The following WDR45B variants were observed in gnomAD, a reference collection of about 807,000 sequenced individuals.
WDR45B encodes the protein WD repeat domain 45B.
In WDR45B, 20 loss-of-function variants were observed where a neutral mutation model predicts 44.6. That is an observed-to-expected ratio of 0.45 (90% confidence interval 0.32 to 0.65). The LOEUF (loss-of-function observed/expected upper bound fraction) is 0.65, where lower values mean the gene tolerates loss of function less well. Among genes scored for constraint, WDR45B ranks in the 30% least tolerant of loss-of-function variants. WDR45B has a pLI of 0.05. For synonymous variants in WDR45B, 169 were observed against 164.9 expected (o/e 1.02, Z -0.19); for missense variants, 323 against 430.2 (o/e 0.75, Z 2.20).
intron 5 of WDR45B, among the ~76,000 whole-genome samples, chr17:82,624,248 G>T (rs976090752): frequency 1.3e-5 from 2 of 152,216 alleles, no homozygotes; most frequent in Non-Finnish European, 2.9e-5. Context: ...ACTGTCCCAA[G>T]AAAGTTTTCC....
chr17:82,623,882 A>C (rs1230310072), intron 5 of WDR45B, among the ~76,000 whole-genome samples: 1 of 151,986 alleles, frequency 6.6e-6, no homozygotes, highest in East Asian at 1.9e-4. Context: ...TGCCGTTACC[A>C]GTGAGATATC....
In WDR45B at chr17:82,621,750, C is replaced by T. The variant is rs769951578; in HGVS notation, c.477G>A (p.Pro159=). 1.2e-6 allele frequency: 2 copies of T among 1,614,104 alleles called. No individual in the cohort carries two copies. Among genetic ancestry groups the T allele is most frequent in the Admixed American group, 1.7e-5 (1 of 60,002 alleles). The change falls in exon 6 of 10, where the codon CCG becomes CCA. Residue 159 remains proline, a synonymous_variant. Coordinates refer to ENST00000392325, the MANE Select transcript of WDR45B (RefSeq NM_019613.4). The stretch of plus-strand genomic sequence containing the variant: ...GCTGCACATGGCCCGTGTGCGTGCC[C>T]GGAAAGGCCAGGAGGGAGTTGTTAC... ...PNSNNSLLAF[P]GTHTGHVQLV...
At chr17:82,647,764 C>T (rs1303162953) in intron 1 of WDR45B, among the ~76,000 whole-genome samples, 6 of 151,988 alleles carry the variant, frequency 3.9e-5, no homozygotes, top group African/African-American at 1.5e-4. Flanking sequence ...TCCGCGGCTC[C>T]AGTAAACCCA....
At position 82,615,892 on chromosome 17, in the gene WDR45B, T is replaced by C. The variant is rs1237101239; in HGVS notation, c.*27A>G. 3 of 1,601,220 alleles carry C rather than the reference T, an allele frequency of 1.9e-6. No homozygotes were observed. The highest frequency in any genetic ancestry group is 2.2e-5 in the East Asian group (1 of 44,792). ...CCGAGAGTCTGAAGGCGGCAGGTGG[T>C]GGGTGCTGTGGCGCCCCCAGCTGGA... On this transcript the variant is annotated 3_prime_UTR_variant, in exon 10 of 10. Coordinates refer to ENST00000392325, the MANE Select transcript of WDR45B (RefSeq NM_019613.4).
At chr17:82,640,350 T>C (rs956767650) in intron 2 of WDR45B, among the ~76,000 whole-genome samples, 1 of 148,954 alleles carries the variant, frequency 6.7e-6, no homozygotes, top group Non-Finnish European at 1.5e-5. Flanking sequence ...CTGGGATTTT[T>C]TTCTTTTTTT....
chr17:82,630,608 A>G (rs1279559226), intron 3 of WDR45B, among the ~76,000 whole-genome samples: 2 of 152,212 alleles, frequency 1.3e-5, no homozygotes, highest in Non-Finnish European at 2.9e-5. Context: ...GTAAGAAAAA[A>G]AATCCTTCTA....
chr17:82,645,235 T>C (rs576978431), intron 1 of WDR45B, among the ~76,000 whole-genome samples: 18 of 149,052 alleles, frequency 1.2e-4, no homozygotes, highest in African/African-American at 4.0e-4. Flanking sequence ...GAGGGGGAGG[T>C]TGCAGCGAGC....
chr17:82,647,839 G>T (rs1244856857), intron 1 of WDR45B, among the ~76,000 whole-genome samples: 1 of 151,900 alleles, frequency 6.6e-6, no homozygotes, highest in Non-Finnish European at 1.5e-5. Context: ...GGCAAAACGG[G>T]GTTCTGGGCA....
intron 1 of WDR45B, among the ~76,000 whole-genome samples, chr17:82,646,800 A>ATC (rs1197552918): frequency 3.9e-5 from 6 of 152,202 alleles, no homozygotes; most frequent in Non-Finnish European, 5.9e-5. Context: ...AAGGCTAGGC[A>ATC]TCTCCCTTAC....
At chr17:82,635,464 C>T (rs1211085164) in intron 2 of WDR45B, among the ~76,000 whole-genome samples, 14 of 134,082 alleles carry the variant, frequency 1.0e-4, no homozygotes, top group African/African-American at 2.8e-4. Context: ...TTGCTCTTGT[C>T]GCCCAGGATG....
At chr17:82,644,453 G>C (rs1257516981) in intron 1 of WDR45B, 3 of 226,476 alleles carry the variant, frequency 1.3e-5, no homozygotes, top group African/African-American at 6.7e-5. Context: ...GGGAAGGTGA[G>C]GAAAGGATGC....
intron 2 of WDR45B, among the ~76,000 whole-genome samples, chr17:82,635,443 G>C (rs1057465746): frequency 1.8e-5 from 1 of 54,208 alleles, no homozygotes; most frequent in Non-Finnish European, 3.8e-5. Flanking sequence ...TTTTTTTTTT[G>C]AGATGGAGTT....
intron 1 of WDR45B, among the ~76,000 whole-genome samples, chr17:82,646,488 C>CAAAAAAAAAAAAAAAAAAAA (rs779661551): frequency 3.0e-4 from 6 of 19,942 alleles, no homozygotes; most frequent in Non-Finnish European, 3.9e-4. Flanking sequence ...AACTCCGTCT[C>CAAAAAAAAAAAAAAAAAAAA]AAAAAAAAAA....
intron 2 of WDR45B, among the ~76,000 whole-genome samples, chr17:82,636,067 A>G (rs1004594236): frequency 6.6e-6 from 1 of 151,842 alleles, no homozygotes; most frequent in South Asian, 2.1e-4. Flanking sequence ...AGCCTGGGCA[A>G]CAAGAGTGAA....
intron 1 of WDR45B, chr17:82,644,764 A>G (rs2045956024): frequency 6.5e-6 from 1 of 152,700 alleles, no homozygotes; most frequent in African/African-American, 2.4e-5. Context: ...GGAAAGAGAA[A>G]AAAACAAACC....
intron 6 of WDR45B, 110 bp from the exon 7 acceptor site, chr17:82,619,238 C>T: frequency 1.0e-6 from 1 of 1,002,030 alleles, no homozygotes; most frequent in Non-Finnish European, 1.5e-6. Flanking sequence ...CTTTCTCAAA[C>T]TCACCCACAT....
At chr17:82,645,340 A>G (rs2045963136) in intron 1 of WDR45B, among the ~76,000 whole-genome samples, 1 of 152,194 alleles carries the variant, frequency 6.6e-6, no homozygotes, top group Middle Eastern at 3.4e-3. Context: ...GAAATACCCA[A>G]ACCACCTCCT....
Position 82,648,424 on chromosome 17 carries a change from G to A in WDR45B, c.-84C>T, listed in dbSNP as rs2046011681. 1.3e-6 allele frequency: 2 copies of A among 1,521,962 alleles called. No individual in the cohort carries two copies. The highest frequency in any genetic ancestry group is 1.8e-6 in the Non-Finnish European group (2 of 1,128,004). 94.3% of individuals were successfully genotyped at this position (1,521,962 alleles called of 1,614,324 possible). On this transcript the variant is annotated 5_prime_UTR_variant, in exon 1 of 10. Coordinates refer to ENST00000392325, the MANE Select transcript of WDR45B (RefSeq NM_019613.4). ...GGCCTGGTCCCTTCGGGCCGGCGCT[G>A]AGGCCGCCGCGGCCGGAAGTGCCGG...
intron 2 of WDR45B, among the ~76,000 whole-genome samples, chr17:82,631,276 C>CTTTT (rs1568009755): frequency 8.7e-6 from 1 of 114,712 alleles, no homozygotes; most frequent in Non-Finnish European, 1.8e-5. Context: ...ATACAGGACT[C>CTTTT]ATTTTTTTTT....
Sources: gnomAD v4.1 joint callset for allele counts (sites outside exome capture counted in the v4.1 genomes callset) on GRCh38, gnomAD v4.1.1 for gene constraint, MANE v1.5 for transcripts, NCBI Gene and HGNC (gene_info 2026-07-23, HGNC 2026-07-21) for gene names.